ARG2: variants seen among roughly 807,000 people sequenced by gnomAD.
ARG2 encodes the protein arginase 2.
Under a neutral mutation model 39.4 loss-of-function variants are expected in ARG2, and 21 were observed. The observed-to-expected ratio is 0.53, with a 90% CI of 0.38 to 0.77. The LOEUF (loss-of-function observed/expected upper bound fraction) is 0.77, where lower values mean the gene tolerates loss of function less well. Among genes scored for constraint, ARG2 ranks in the 30% least tolerant of loss-of-function variants. The pLI is 0.00. For synonymous variants in ARG2, 150 were observed against 156.7 expected (o/e 0.96, Z 0.32); for missense variants, 378 against 426.2 (o/e 0.89, Z 1.00).
chr14:67,646,892 A>G (rs773510157), intron 5 of ARG2, 29 bp from the exon 6 acceptor site: 4 of 1,499,092 alleles, frequency 2.7e-6, no homozygotes, highest in Non-Finnish European at 3.7e-6. Context: ...CTTTAAACTA[A>G]GGACTCCTCC....
chr14:67,651,493 A>AGCAAAGTGGGGAGTAGTCAGAAGT lies in ARG2; in HGVS notation c.*574_*597dup, dbSNP rs1566809021. 8 of 1,613,050 alleles carry AGCAAAGTGGGGAGTAGTCAGAAGT rather than the reference A, an allele frequency of 5.0e-6. No individual in the cohort carries two copies. Among genetic ancestry groups the AGCAAAGTGGGGAGTAGTCAGAAGT allele is most frequent in the Admixed American group, 1.7e-5 (1 of 59,952 alleles). On this transcript the variant is annotated 3_prime_UTR_variant, in exon 8 of 8. Transcript: ENST00000261783. The stretch of plus-strand genomic sequence containing the variant: ...TGTTGGTTGTCACTCTACAAAGAGA[A>AGCAAAGTGGGGAGTAGTCAGAAGT]GCAAAGTGGGGAGTAGTCAGAAGTT...
At position 67,625,661 on chromosome 14, in the gene ARG2, C is replaced by T. The variant is rs1490282685; in HGVS notation, c.184+4695C>T. Among the ~76,000 whole-genome samples, 15 of 112,020 alleles carry T rather than the reference C, an allele frequency of 1.3e-4. No homozygotes were observed. The East Asian group carries it at 2.9e-3, about 22-fold the overall frequency. 73.5% of individuals were successfully genotyped at this position (112,020 alleles called of 152,430 possible). The stretch of plus-strand genomic sequence containing the variant: ...TGCCATTGCAGTCCAGCCTGGGCAA[C>T]GAGAGCAAAACTCCATCTCAAAAAA... On this transcript the variant is annotated intron_variant, in intron 2 of 7. Coordinates refer to ENST00000261783, the MANE Select transcript of ARG2 (RefSeq NM_001172.4).
rs555734655 is a variant in ARG2 at position 67,621,522 on chromosome 14, A to C, written c.184+556A>C. ...CCAGGCTGGAGTGCAGTGATGCAAT[A>C]TTGGCTCATTGCAACCTCCACCTTC... On this transcript the variant is annotated intron_variant, in intron 2 of 7. Transcript: ENST00000261783. Among the ~76,000 whole-genome samples, 3 of 151,136 alleles carry C rather than the reference A, an allele frequency of 2.0e-5. No homozygotes were observed. In the South Asian group the frequency reaches 6.3e-4, roughly 32 times the overall value.
chr14:67,645,717 C>T lies in ARG2; in HGVS notation c.437C>T (p.Ala146Val). The T allele has an allele frequency of 1.2e-6, 2 of 1,613,990 alleles. No individual in the cohort carries two copies. The highest frequency in any genetic ancestry group is 1.3e-5 in the African/African-American group (1 of 75,034). ...TGTGTTGTCTGGGTTGATGCCCATG[C>T]TGACATCAACACACCCCTTACCACT... is the stretch of plus-strand genomic sequence containing the variant. ...DLCVVWVDAH[A>V]DINTPLTTSS... The change falls in exon 4 of 8, where the codon GCT (alanine) becomes GTT (valine). Residue 146 changes from alanine (A) to valine (V), a missense_variant. Transcript: ENST00000261783.
At chr14:67,624,378 A>G (rs1431133048) in intron 2 of ARG2, among the ~76,000 whole-genome samples, 1 of 152,232 alleles carries the variant, frequency 6.6e-6, no homozygotes, top group Non-Finnish European at 1.5e-5. Flanking sequence ...GTACTTTTGT[A>G]AAGACATACC....
intron 6 of ARG2, 33 bp from the exon 7 acceptor site, chr14:67,648,014 T>G: frequency 6.4e-7 from 1 of 1,554,766 alleles, no homozygotes; most frequent in Non-Finnish European, 8.7e-7. Flanking sequence ...TTAAGTATTA[T>G]TTTAAGTATT....
In ARG2 at chr14:67,620,025, T is replaced by C. The variant is rs368532789; in HGVS notation, c.48T>C (p.His16=). The part of the protein sequence containing the change: ...SLSRLLQTRV[H]SILKKSVHSV... ...CGCGTCTCCTCCAGACGCGAGTGCA[T>C]TCCATCCTGAAGAAATCCGTCCACT... The change falls in exon 1 of 8, where the codon CAT becomes CAC. Residue 16 remains histidine (H), a synonymous_variant. Coordinates refer to ENST00000261783, the MANE Select transcript of ARG2 (RefSeq NM_001172.4). 4 of 1,611,814 alleles carry C rather than the reference T, an allele frequency of 2.5e-6. No individual in the cohort carries two copies. Among genetic ancestry groups the C allele is most frequent in the African/African-American group, 1.3e-5 (1 of 74,672 alleles).
intron 3 of ARG2, among the ~76,000 whole-genome samples, chr14:67,642,673 ACTTAT>A (rs1313559815): frequency 2.0e-5 from 3 of 151,882 alleles, no homozygotes; most frequent in East Asian, 1.9e-4. Context: ...CTTTCTTGAG[ACTTAT>A]CTTATGACTT....
chr14:67,641,710 C>T (rs192927738), intron 2 of ARG2, among the ~76,000 whole-genome samples: 77 of 152,202 alleles, frequency 5.1e-4, no homozygotes, highest in African/African-American at 1.7e-3. Context: ...GAGGATGAGG[C>T]GGGAGGATCA....
chr14:67,636,084 A>G lies in ARG2; in HGVS notation c.185-6102A>G, dbSNP rs547541200. ...TTTAGAAACAATTTGGAAAAACTGCACACTAAGAGGCCCCTAGCTTTTCTC... is the reference window on the plus strand; with the variant it reads ...TTTAGAAACAATTTGGAAAAACTGCGCACTAAGAGGCCCCTAGCTTTTCTC... On this transcript the variant is annotated intron_variant, in intron 2 of 7. Coordinates refer to ENST00000261783, the MANE Select transcript of ARG2 (RefSeq NM_001172.4). Among the ~76,000 whole-genome samples, 16 of 152,198 alleles carry G rather than the reference A, an allele frequency of 1.1e-4. No homozygotes were observed. In the South Asian group the frequency reaches 1.2e-3, roughly 12 times the overall value.
intron 2 of ARG2, among the ~76,000 whole-genome samples, chr14:67,638,007 C>T (rs546457879): frequency 4.6e-5 from 7 of 152,224 alleles, no homozygotes; most frequent in African/African-American, 1.7e-4. Context: ...CTGGGGAGAC[C>T]TAGACTTAGC....
intron 2 of ARG2, among the ~76,000 whole-genome samples, chr14:67,634,581 C>A (rs541798276): frequency 2.8e-5 from 4 of 142,352 alleles, no homozygotes; most frequent in African/African-American, 7.7e-5. Context: ...GCAACAGAAC[C>A]AGACCGTGTC....
At chr14:67,642,664 T>C (rs539674810) in intron 3 of ARG2, among the ~76,000 whole-genome samples, 11 of 152,274 alleles carry the variant, frequency 7.2e-5, no homozygotes, top group Non-Finnish European at 1.5e-4. Flanking sequence ...CCTGGAAAGC[T>C]TTCTTGAGAC....
At chr14:67,636,937 T>G (rs1398079117) in intron 2 of ARG2, among the ~76,000 whole-genome samples, 1 of 152,196 alleles carries the variant, frequency 6.6e-6, no homozygotes, top group African/African-American at 2.4e-5. Context: ...ACAGATGAAT[T>G]GACCTGATGC....
chr14:67,651,587 T>A lies in ARG2; in HGVS notation c.*667T>A. 1 of 1,290,902 alleles carries A rather than the reference T, an allele frequency of 7.7e-7. No homozygotes were observed. Among genetic ancestry groups the A allele is most frequent in the Non-Finnish European group, 1.1e-6 (1 of 948,746 alleles). The allele number at this position is 1,290,902 out of a possible 1,614,324, so 80.0% of individuals were successfully genotyped here. A position where few individuals can be genotyped will look rare whatever the true frequency, so the allele number is the denominator to read the frequency against. ...CACGGCTGGATACTCTGAGGCTGTA[T>A]GTTTGATCACACAGCCACTTAGCAG... On this transcript the variant is annotated 3_prime_UTR_variant, in exon 8 of 8. Coordinates refer to ENST00000261783, the MANE Select transcript of ARG2 (RefSeq NM_001172.4).
At chr14:67,637,985 G>A (rs560699924) in intron 2 of ARG2, among the ~76,000 whole-genome samples, 4 of 152,240 alleles carry the variant, frequency 2.6e-5, no homozygotes, top group Admixed American at 6.5e-5. Context: ...TTCCTCTCCC[G>A]CTGCCTTGAA....
chr14:67,634,628 A>T (rs1054042987), intron 2 of ARG2, among the ~76,000 whole-genome samples: 4 of 151,490 alleles, frequency 2.6e-5, no homozygotes, highest in African/African-American at 9.7e-5. Context: ...GGTAGTAATG[A>T]TGATGAGTTA....
At chr14:67,641,864 T>G (rs556236713) in intron 2 of ARG2, among the ~76,000 whole-genome samples, 6 of 152,264 alleles carry the variant, frequency 3.9e-5, no homozygotes, top group Non-Finnish European at 2.9e-5. Flanking sequence ...TTGTTGGTTC[T>G]TAATTTTCTT....
chr14:67,638,010 G>A (rs1396164509), intron 2 of ARG2, among the ~76,000 whole-genome samples: 1 of 152,126 alleles, frequency 6.6e-6, no homozygotes, highest in Non-Finnish European at 1.5e-5. Context: ...GGGAGACCTA[G>A]ACTTAGCCAC....
Sources: gnomAD v4.1 joint callset for allele counts (sites outside exome capture counted in the v4.1 genomes callset) on GRCh38, gnomAD v4.1.1 for gene constraint, MANE v1.5 for transcripts, NCBI Gene and HGNC (gene_info 2026-07-23, HGNC 2026-07-21) for gene names.